TRIM65: variants seen among roughly 807,000 people sequenced by gnomAD.
TRIM65 encodes tripartite motif containing 65.
A neutral mutation model predicts 36.1 loss-of-function variants in TRIM65; 46 were observed. The ratio of observed to expected loss-of-function variants is 1.27; its 90% CI spans 1.01 to 1.63. The LOEUF (loss-of-function observed/expected upper bound fraction) is 1.63, where lower values mean the gene tolerates loss of function less well. TRIM65 is among the 40% of genes most tolerant of loss of function. TRIM65 has a pLI of 0.00. For missense variants in TRIM65, 708 were observed against 696.6 expected (o/e 1.02, Z -0.18); for synonymous variants, 346 against 313.6 (o/e 1.10, Z -1.09).
In TRIM65 at chr17:75,892,112, A is replaced by G; in HGVS notation, c.818T>C (p.Leu273Pro). 1 of 1,560,116 alleles carries G rather than the reference A, an allele frequency of 6.4e-7. No individual in the cohort carries two copies. Among genetic ancestry groups the G allele is most frequent in the Non-Finnish European group, 8.7e-7 (1 of 1,151,650 alleles). Reference protein sequence around the residue: ...TPLQWDEDQQLGDLKQLLSRL... With the variant: ...TPLQWDEDQQPGDLKQLLSRL... ...GCTTAGCAACTGCTTCAGGTCACCC[A>G]GCTGTTGGTCTTCATCCCACTGCAG... Residue 273 changes from leucine (L) to proline (P), a missense_variant, in exon 4 of 6, where the codon CTG (leucine) becomes CCG (proline). Leu to Pro is a moderately conservative substitution (Grantham distance 98). Transcript: ENST00000269383.
chr17:75,880,666 G>C (rs1026577657), intron 4 of TRIM65: 1 of 150,622 alleles, frequency 6.6e-6, no homozygotes, highest in Admixed American at 6.6e-5. Context: ...GTTGGAGAGA[G>C]GCCCAGGCCC....
Position 75,896,771 on chromosome 17 carries a change from T to C in TRIM65, c.167A>G (p.Asp56Gly). ...ACPECREPFP[D>G]GAELRRNVAL... ...CACGTTGCGGCGCAGCTCGGCGCCG[T>C]CGGGAAAGGGCTCCCGGCACTCGGG... The change falls in exon 1 of 6, where the codon GAC (aspartate) becomes GGC (glycine). Residue 56 changes from aspartate (D) to glycine (G), a missense_variant. Physicochemically the swap from Asp to Gly is moderately conservative, Grantham distance 94. Transcript: ENST00000269383. The C allele has an allele frequency of 6.7e-7, 1 of 1,494,876 alleles. No individual in the cohort carries two copies. The allele number at this position is 1,494,876 out of a possible 1,614,324, so 92.6% of individuals were successfully genotyped here.
chr17:75,896,840 C>A lies in TRIM65; in HGVS notation c.98G>T (p.Gly33Val). The A allele has an allele frequency of 6.5e-7, 1 of 1,527,974 alleles. No individual in the cohort carries two copies. Among genetic ancestry groups the A allele is most frequent in the East Asian group, 2.6e-5 (1 of 38,966 alleles). The allele number at this position is 1,527,974 out of a possible 1,614,324, so 94.7% of individuals were successfully genotyped here. The change falls in exon 1 of 6, where the codon GGG (glycine) becomes GTG (valine). Residue 33 changes from glycine to valine, a missense_variant. Transcript: ENST00000269383. ...VTLPCGHNFC[G>V]ACIRDWWDRC... ...GTCCCACCAGTCCCGGATGCAGGCC[C>A]CGCAGAAGTTGTGGCCGCAGGGCAG...
At chr17:75,891,378 G>A (rs938732033) in intron 5 of TRIM65, 31 bp from the exon 6 acceptor site, 3 of 1,606,544 alleles carry the variant, frequency 1.9e-6, no homozygotes, top group Admixed American at 1.7e-5. Context: ...GCAGTGGGCT[G>A]GGGGAAGACA....
chr17:75,892,152 C>A lies in TRIM65; in HGVS notation c.778G>T (p.Gly260Trp). Residue 260 changes from glycine to tryptophan, a missense_variant, in exon 4 of 6, where the codon GGG (glycine) becomes TGG (tryptophan). By Grantham distance (184) the Gly-to-Trp change is radical. Transcript: ENST00000269383. ...SQLLQPPGPL[G>W]PLTPLQWDED... ...TCCCACTGCAGAGGGGTCAGTGGCCCAAGAGGCCCTGGGGGCTGGAGGAGC... is the reference window on the plus strand; with the variant it reads ...TCCCACTGCAGAGGGGTCAGTGGCCAAAGAGGCCCTGGGGGCTGGAGGAGC... The A allele has an allele frequency of 6.4e-7, 1 of 1,569,790 alleles. No individual in the cohort carries two copies.
At position 75,896,873 on chromosome 17, in the gene TRIM65, G is replaced by A. The variant is rs867677383; in HGVS notation, c.65C>T (p.Pro22Leu). Residue 22 changes from proline to leucine, a missense_variant, in exon 1 of 6, where the codon CCA becomes CTA. By Grantham distance (98) the Pro-to-Leu change is moderately conservative. Coordinates refer to ENST00000269383, the MANE Select transcript of TRIM65 (RefSeq NM_173547.4). ...GTTGTGGCCGCAGGGCAGCGTCACT[G>A]GGTCCTGGTAGAGCCCCAGGCAGAT... ...CAICLGLYQD[P>L]VTLPCGHNFC... 5 of 1,531,876 alleles carry A rather than the reference G, an allele frequency of 3.3e-6. No homozygotes were observed. Among genetic ancestry groups the A allele is most frequent in the Non-Finnish European group, 4.4e-6 (5 of 1,143,212 alleles). 94.9% of individuals were successfully genotyped at this position (1,531,876 alleles called of 1,614,324 possible). A position where few individuals can be genotyped will look rare whatever the true frequency, so the allele number is the denominator to read the frequency against.
chr17:75,893,741 G>C (rs1183429952), intron 1 of TRIM65, among the ~76,000 whole-genome samples: 1 of 152,080 alleles, frequency 6.6e-6, no homozygotes, highest in Non-Finnish European at 1.5e-5. Flanking sequence ...CAGGAACACA[G>C]GAGGCCGGAG....
intron 1 of TRIM65, among the ~76,000 whole-genome samples, chr17:75,893,228 C>T (rs2065299235): frequency 1.3e-5 from 2 of 152,162 alleles, no homozygotes; most frequent in African/African-American, 4.8e-5. Context: ...CAGGAGGCCT[C>T]GCAGGGAGGA....
rs1168219887 is a variant in TRIM65, at chr17:75,892,827, C to T, written c.438G>A (p.Glu146=). ...KREAQLRASL[E]VTQQQATQAE... is the part of the protein sequence containing the mutation. ...CCTGGGTGGCCTGCTGCTGGGTAAC[C>T]TCCAGGCTGGCTCTCAGCTGGGCCT... Residue 146 remains glutamate, a synonymous_variant, in exon 2 of 6, where the codon GAG becomes GAA. Coordinates refer to ENST00000269383, the MANE Select transcript of TRIM65 (RefSeq NM_173547.4). 6.2e-7 allele frequency: 1 copy of T among 1,603,230 alleles called. No individual in the cohort carries two copies. The highest frequency in any genetic ancestry group is 8.5e-7 in the Non-Finnish European group (1 of 1,179,908).
intron 1 of TRIM65, among the ~76,000 whole-genome samples, chr17:75,894,391 G>A (rs899945585): frequency 1.3e-5 from 2 of 152,216 alleles, no homozygotes; most frequent in African/African-American, 2.4e-5. Context: ...GATGCTGAAG[G>A]TCATTTCTGT....
intron 5 of TRIM65, 144 bp from the exon 6 acceptor site, chr17:75,891,491 A>G (rs1345297024): frequency 3.3e-6 from 3 of 902,764 alleles, no homozygotes; most frequent in African/African-American, 3.4e-5. Flanking sequence ...TCGCAGGCGG[A>G]ATCCTCTATC....
At chr17:75,891,714 T>C in intron 5 of TRIM65, 99 bp downstream of exon 5, 1 of 1,412,176 alleles carries the variant, frequency 7.1e-7, no homozygotes, top group Admixed American at 2.1e-5. Context: ...CACTCACACG[T>C]GCATACGAAC....
rs1345292639 is a variant in TRIM65, at chr17:75,890,644, C to A, written c.*135G>T. 2 of 731,886 alleles carry A rather than the reference C, an allele frequency of 2.7e-6. No individual in the cohort carries two copies. Among genetic ancestry groups the A allele is most frequent in the Non-Finnish European group, 4.2e-6 (2 of 475,762 alleles). The allele number at this position is 731,886 out of a possible 1,614,324, so 45.3% of individuals were successfully genotyped here. ...GTGAACTCTGCGTTTATGCTCACCT[C>A]CCCCAACCTCCCATCTCTTTCTGAG... On this transcript the variant is annotated 3_prime_UTR_variant, in exon 6 of 6. Transcript: ENST00000269383.
At chr17:75,880,853 G>T (rs575116203) in intron 4 of TRIM65, among the ~76,000 whole-genome samples, 1 of 150,510 alleles carries the variant, frequency 6.6e-6, no homozygotes, top group African/African-American at 2.5e-5. Context: ...TCTAGGCTTG[G>T]GGGGTGGGAA....
At chr17:75,893,091 T>A (rs985058333) in intron 1 of TRIM65, among the ~76,000 whole-genome samples, 1 of 152,218 alleles carries the variant, frequency 6.6e-6, no homozygotes, top group Non-Finnish European at 1.5e-5. Context: ...AGCGGAAGCC[T>A]TGGGCTCAGG....
At chr17:75,881,235 C>CAAAA (rs58718762) in intron 4 of TRIM65, among the ~76,000 whole-genome samples, 9 of 110,320 alleles carry the variant, frequency 8.2e-5, no homozygotes, top group East Asian at 3.0e-4. Context: ...GACTCCATCT[C>CAAAA]AAAAAAAAAA....
intron 4 of TRIM65, among the ~76,000 whole-genome samples, chr17:75,881,035 C>A (rs1273207285): frequency 6.7e-6 from 1 of 150,020 alleles, no homozygotes; most frequent in East Asian, 1.9e-4. Flanking sequence ...CACTTGAGGT[C>A]ACGAGTTCCA....
At chr17:75,884,228 C>T (rs1229158616), downstream of TRIM65, among the ~76,000 whole-genome samples, 10 of 152,104 alleles carry the variant, frequency 6.6e-5, no homozygotes, top group Admixed American at 4.6e-4. Context: ...GAGGCCGAGG[C>T]GGGCGGGTCA....
intron 5 of TRIM65, 100 bp from the exon 6 acceptor site, chr17:75,891,447 G>C: frequency 3.1e-6 from 4 of 1,280,124 alleles, no homozygotes; most frequent in Non-Finnish European, 4.4e-6. Context: ...CTGAGCACCG[G>C]CCGTCACCAT....
Sources: allele counts gnomAD v4.1 joint callset (sites outside exome capture counted in the v4.1 genomes callset), GRCh38; gene constraint gnomAD v4.1.1; transcripts MANE v1.5; gene names NCBI Gene and HGNC (gene_info 2026-07-23, HGNC 2026-07-21).